LIN9: variants seen among roughly 807,000 people sequenced by gnomAD.
The protein encoded by LIN9 is lin-9 DREAM MuvB core complex component.
In LIN9, 18 loss-of-function variants were observed where a neutral mutation model predicts 78.0. The ratio of observed to expected loss-of-function variants is 0.23; its 90% CI spans 0.16 to 0.34. The LOEUF is 0.34. LIN9 is among the 10% of genes least tolerant of loss of function. The pLI, the probability that LIN9 is intolerant of heterozygous loss-of-function variation, is 1.00. For missense variants in LIN9, 451 were observed against 644.1 expected, an observed-to-expected ratio of 0.70 and a Z score of 3.25; for synonymous variants, 192 against 215.2, an observed-to-expected ratio of 0.89 and a Z score of 0.94.
At chr1:226,250,418 A>T (rs909357244) in intron 11 of LIN9, among the ~76,000 whole-genome samples, 1 of 152,232 alleles carries the variant, frequency 6.6e-6, no homozygotes, top group Non-Finnish European at 1.5e-5. Flanking sequence ...TATATCCATT[A>T]ATCCTATTCA....
intron 4 of LIN9, among the ~76,000 whole-genome samples, chr1:226,295,170 C>G (rs1471325105): frequency 1.3e-5 from 2 of 152,046 alleles, no homozygotes; most frequent in African/African-American, 4.8e-5. Context: ...TTCCTCTCAG[C>G]AGGGTGCAGT....
At chr1:226,309,500 A>C (rs1448417431), upstream of LIN9, 3 of 1,121,592 alleles carry the variant, frequency 2.7e-6, no homozygotes, top group Non-Finnish European at 3.3e-6. Flanking sequence ...CCCGCGCTGC[A>C]GCTGCGGGAA....
chr1:226,250,584 C>T (rs140639056), intron 11 of LIN9, among the ~76,000 whole-genome samples: 10 of 152,304 alleles, frequency 6.6e-5, no homozygotes, highest in Admixed American at 2.6e-4. Context: ...GACAGGGTCT[C>T]GCTATCACCC....
chr1:226,236,464 A>T (rs748482870), intron 12 of LIN9, among the ~76,000 whole-genome samples: 17 of 151,306 alleles, frequency 1.1e-4, no homozygotes, highest in African/African-American at 2.9e-4. Flanking sequence ...TTATTTATTT[A>T]TTTTTTCTTG....
At chr1:226,274,537 C>A (rs1660510407) in intron 7 of LIN9, among the ~76,000 whole-genome samples, 1 of 152,054 alleles carries the variant, frequency 6.6e-6, no homozygotes, top group South Asian at 2.1e-4. Context: ...GCTTTTGTTT[C>A]ATCTAATATT....
intron 2 of LIN9, among the ~76,000 whole-genome samples, chr1:226,298,607 T>C (rs1662306322): frequency 6.6e-6 from 1 of 152,256 alleles, no homozygotes; most frequent in South Asian, 2.1e-4. Flanking sequence ...ATGCCTATAA[T>C]TCCAGGACTT....
In LIN9 at chr1:226,249,445, G is replaced by C. The variant is rs143851601; in HGVS notation, c.1119+1394C>G. ...GTTTTAATACCTGTACTGCTAAAGA[G>C]AGCAGTATGATCTTACGCTGAAATC... is the stretch of plus-strand genomic sequence containing the variant. On this transcript the variant is annotated intron_variant, in intron 11 of 14. Coordinates refer to ENST00000681046, the MANE Select transcript of LIN9 (RefSeq NM_001366245.2). Among the ~76,000 whole-genome samples, 809 of 152,262 alleles carry C rather than the reference G, an allele frequency of 5.3e-3. 5 individuals are homozygous for C. Among genetic ancestry groups the C allele is most frequent in the Non-Finnish European group, 8.1e-3 (550 of 68,016 alleles).
At chr1:226,306,394 T>G (rs1662919599) in intron 1 of LIN9, among the ~76,000 whole-genome samples, 1 of 152,052 alleles carries the variant, frequency 6.6e-6, no homozygotes, top group African/African-American at 2.4e-5. Context: ...CCCTGCCAGC[T>G]GAATGCACAG....
At chr1:226,308,937 AC>A in intron 1 of LIN9, 171 bp downstream of exon 1, 1 of 500,552 alleles carries the variant, frequency 2.0e-6, no homozygotes, top group Non-Finnish European at 3.0e-6. Context: ...AGACACCATA[AC>A]AAAGGCGGCG....
At chr1:226,297,467 A>G (rs1373270698) in intron 3 of LIN9, among the ~76,000 whole-genome samples, 1 of 152,228 alleles carries the variant, frequency 6.6e-6, no homozygotes, top group Non-Finnish European at 1.5e-5. Context: ...TAATAAAAGT[A>G]TAAGTTGTAG....
intron 11 of LIN9, among the ~76,000 whole-genome samples, chr1:226,245,113 G>GA (rs1423967801): frequency 6.6e-6 from 1 of 152,184 alleles, no homozygotes; most frequent in Non-Finnish European, 1.5e-5. Flanking sequence ...AAGGCTCACT[G>GA]AAAATCACTG....
Position 226,297,776 on chromosome 1 carries a change from A to G in LIN9, c.102T>C (p.Ser34=). The G allele has an allele frequency of 1.3e-6, 2 of 1,593,954 alleles. No individual in the cohort carries two copies. Among genetic ancestry groups the G allele is most frequent in the Non-Finnish European group, 1.7e-6 (2 of 1,171,990 alleles). ...TCCAAACAGGTGTTTTCTGTAAAGAACTGTACTTTTCATTCCACGTGTTAG... is the reference window on the plus strand; with the variant it reads ...TCCAAACAGGTGTTTTCTGTAAAGAGCTGTACTTTTCATTCCACGTGTTAG... ...SLSNTWNEKY[S]SLQKTPVWKG... Residue 34 remains serine (S), a synonymous_variant, in exon 3 of 15, where the codon AGT becomes AGC. Transcript: ENST00000681046.
intron 14 of LIN9, 22 bp downstream of exon 14, chr1:226,233,074 T>TA (rs772054872): frequency 2.3e-5 from 32 of 1,362,746 alleles, no homozygotes; most frequent in Admixed American, 9.0e-5. Context: ...TTAAAATGAT[T>TA]AGAGTATACC....
chr1:226,276,627 A>G (rs1365926800), intron 7 of LIN9, among the ~76,000 whole-genome samples: 10 of 152,224 alleles, frequency 6.6e-5, no homozygotes, highest in Admixed American at 5.9e-4. Context: ...TGATATAAAT[A>G]TGTAACTCCA....
chr1:226,250,072 A>T (rs1658732728), intron 11 of LIN9, among the ~76,000 whole-genome samples: 2 of 151,774 alleles, frequency 1.3e-5, no homozygotes, highest in Non-Finnish European at 2.9e-5. Flanking sequence ...TGAGAGGCTG[A>T]GGCAGGCGAA....
chr1:226,233,146 A>G lies in LIN9; in HGVS notation c.1473T>C (p.Leu491=). The change falls in exon 14 of 15, where the codon CTT becomes CTC. Residue 491 remains leucine, a synonymous_variant. Coordinates refer to ENST00000681046, the MANE Select transcript of LIN9 (RefSeq NM_001366245.2). ...TCTTGATATCATTTAATGAGTCTGT[A>G]AGTGATTTGAATTCAAAGGAATTCA... The part of the protein sequence containing the change: ...GDLNSFEFKS[L]TDSLNDIKST... 2 of 1,608,114 alleles carry G rather than the reference A, an allele frequency of 1.2e-6. No individual in the cohort carries two copies. The highest frequency in any genetic ancestry group is 8.5e-7 in the Non-Finnish European group (1 of 1,178,226).
chr1:226,256,579 GAC>G (rs1281855101), intron 10 of LIN9, among the ~76,000 whole-genome samples: 1 of 150,846 alleles, frequency 6.6e-6, no homozygotes. Flanking sequence ...ATTTTTTTGA[GAC>G]AGAGTCTCGC....
chr1:226,303,789 TAG>T (rs1662717055), intron 1 of LIN9, among the ~76,000 whole-genome samples: 1 of 152,206 alleles, frequency 6.6e-6, no homozygotes, highest in African/African-American at 2.4e-5. Flanking sequence ...GTATTTTTAG[TAG>T]AGACAGGGTT....
intron 6 of LIN9, among the ~76,000 whole-genome samples, chr1:226,278,865 T>TA (rs1224455856): frequency 6.8e-6 from 1 of 147,442 alleles, no homozygotes; most frequent in African/African-American, 2.5e-5. Flanking sequence ...CTCACGCCTG[T>TA]AATCCCAGCA....
Sources: allele counts gnomAD v4.1 joint callset (sites outside exome capture counted in the v4.1 genomes callset), GRCh38; gene constraint gnomAD v4.1.1; transcripts MANE v1.5; gene names NCBI Gene and HGNC (gene_info 2026-07-23, HGNC 2026-07-21).